N4BP2: variants seen among roughly 807,000 people sequenced by gnomAD.
The protein encoded by N4BP2 is NEDD4-binding protein 2.
N4BP2 carries 91 observed loss-of-function variants against 152.8 expected under a neutral mutation model. The ratio of observed to expected loss-of-function variants is 0.60; its 90% CI spans 0.50 to 0.71. The LOEUF (loss-of-function observed/expected upper bound fraction) is 0.71. N4BP2 is among the 30% of genes least tolerant of loss of function. The probability of loss-of-function intolerance (pLI) is 0.00; values close to 1 mark genes in which losing one functional copy is unlikely to be tolerated. For synonymous variants in N4BP2, 646 were observed against 705.3 expected, an observed-to-expected ratio of 0.92 and a Z score of 1.33; for missense variants, 1,923 against 2,059.1, an observed-to-expected ratio of 0.93 and a Z score of 1.28.
chr4:40,148,270 G>A lies in N4BP2; in HGVS notation c.5143+3470G>A, dbSNP rs1014644670. Reference sequence around the variant, plus strand: ...TGGAGAGCAGCCTGGCCAATACAGCGAAACCCTGTCTCCACCAAAAAAATA... The same window carrying A: ...TGGAGAGCAGCCTGGCCAATACAGCAAAACCCTGTCTCCACCAAAAAAATA... On this transcript the variant is annotated intron_variant, in intron 16 of 17. Transcript: ENST00000261435. Among the ~76,000 whole-genome samples, 7 of 152,368 alleles carry A rather than the reference G, an allele frequency of 4.6e-5. No individual in the cohort carries two copies. In the South Asian group the frequency reaches 8.3e-4, roughly 18 times the overall value.
In N4BP2 at chr4:40,123,147, T is replaced by A. The variant is rs776979917; in HGVS notation, c.4219T>A (p.Cys1407Ser). ...ACAAGGGTCTCTAACAGTTGAAGAT[T>A]GTGTGGTTCATATAGATCTGAATCT... ...IDSGSLTVED[C>S]VVHIDLNLAK... Residue 1407 changes from cysteine to serine, a missense_variant, in exon 10 of 18, where the codon TGT (cysteine) becomes AGT (serine). Cys to Ser is a moderately radical substitution (Grantham distance 112). Transcript: ENST00000261435. The A allele has an allele frequency of 2.5e-6, 4 of 1,610,570 alleles. No homozygotes were observed. The highest frequency in any genetic ancestry group is 1.3e-5 in the African/African-American group (1 of 74,836).
chr4:40,141,665 C>T (rs1439583706), intron 14 of N4BP2, among the ~76,000 whole-genome samples: 1 of 152,046 alleles, frequency 6.6e-6, no homozygotes, highest in African/African-American at 2.4e-5. Flanking sequence ...CAGAGACGCT[C>T]CTCACTTCCC....
chr4:40,162,252 A>T (rs184486511), downstream of N4BP2, among the ~76,000 whole-genome samples: 1 of 152,280 alleles, frequency 6.6e-6, no homozygotes, highest in Admixed American at 6.5e-5. Flanking sequence ...CTGTAATCCC[A>T]ACACTTCTGG....
At chr4:40,077,141 A>ATG (rs200840604) in intron 2 of N4BP2, among the ~76,000 whole-genome samples, 3,617 of 150,072 alleles carry the variant, frequency 0.024, 131 homozygotes, top group African/African-American at 0.079. Flanking sequence ...TGTAGAATAT[A>ATG]TATGTGTGTG....
Position 40,122,059 on chromosome 4 carries a change from T to A in N4BP2, c.3948T>A (p.Asn1316Lys), listed in dbSNP as rs763806044. Residue 1316 changes from asparagine (N) to lysine (K), a missense_variant, in exon 9 of 18, where the codon AAT becomes AAA. Physicochemically the swap from Asn to Lys is moderately conservative, Grantham distance 94. Transcript: ENST00000261435. ...CTCTTGAAATAAAGAGAAATGAAAATTTTCCAAAGGATTATGTGAAATTTT... is the reference window on the plus strand; with the variant it reads ...CTCTTGAAATAAAGAGAAATGAAAAATTTCCAAAGGATTATGTGAAATTTT... ...TDSLEIKRNE[N>K]FPKDYVKFSD... 1.7e-5 allele frequency: 26 copies of A among 1,549,192 alleles called. No individual in the cohort carries two copies. The Admixed American group carries it at 2.5e-4, about 15-fold the overall frequency.
At chr4:40,079,152 C>T (rs1431085869) in intron 2 of N4BP2, among the ~76,000 whole-genome samples, 2 of 151,150 alleles carry the variant, frequency 1.3e-5, no homozygotes, top group Admixed American at 1.3e-4. Flanking sequence ...GAACTCCTGA[C>T]CTCAAGTGAT....
chr4:40,133,251 A>G (rs1418197988), intron 13 of N4BP2, among the ~76,000 whole-genome samples: 4 of 151,896 alleles, frequency 2.6e-5, no homozygotes, highest in Non-Finnish European at 2.9e-5. Flanking sequence ...ATTTTTCTCT[A>G]TATGTTTTGA....
chr4:40,163,499 A>G, the N4BP2 span, among the ~76,000 whole-genome samples: 1 of 152,352 alleles, frequency 6.6e-6, no homozygotes, highest in Non-Finnish European at 1.5e-5. Context: ...GATCATACCA[A>G]CAAGAATTCT....
At chr4:40,185,162 T>A in the N4BP2 span, among the ~76,000 whole-genome samples, 45 of 152,286 alleles carry the variant, frequency 3.0e-4, no homozygotes, top group Non-Finnish European at 4.4e-4. Flanking sequence ...AAAAGTAATT[T>A]GTCTTCTGTA....
chr4:40,165,818 C>A, the N4BP2 span, among the ~76,000 whole-genome samples: 4 of 152,168 alleles, frequency 2.6e-5, no homozygotes, highest in Non-Finnish European at 5.9e-5. Context: ...TTATATAGCA[C>A]AAGTTGAAAT....
rs1226118008 is a variant in N4BP2 at position 40,139,491 on chromosome 4, C to CTT, written c.4785+2426_4785+2427dup. Among the ~76,000 whole-genome samples the CTT allele has an allele frequency of 2.7e-3, 335 of 125,752 alleles. 3 individuals carry two copies. The highest frequency in any genetic ancestry group is 4.9e-3 in the African/African-American group (167 of 33,746). 82.5% of individuals were successfully genotyped at this position (125,752 alleles called of 152,430 possible). A position where few individuals can be genotyped will look rare whatever the true frequency, so the allele number is the denominator to read the frequency against. ...GTATTAATTTTGTATCAGCATTAGG[C>CTT]TTTTTTTTTTTTTTTTTTGAGACAG... is the stretch of plus-strand genomic sequence containing the variant. On this transcript the variant is annotated intron_variant, in intron 14 of 17. Transcript: ENST00000261435.
Position 40,124,216 on chromosome 4 carries a change from T to C in N4BP2, c.4330+11T>C, listed in dbSNP as rs762174139. 12 of 1,592,996 alleles carry C rather than the reference T, an allele frequency of 7.5e-6. No homozygotes were observed. The Admixed American group carries it at 1.7e-4, about 22-fold the overall frequency. ...GCAAGTTTATGCAAGGTAAAGCACA[T>C]GTTTTTATTTCTAATGTCTTAATGT... On this transcript the variant is annotated intron_variant, in intron 11 of 17. Coordinates refer to ENST00000261435, the MANE Select transcript of N4BP2 (RefSeq NM_018177.6).
At chr4:40,174,309 G>T in the N4BP2 span, among the ~76,000 whole-genome samples, 1 of 152,016 alleles carries the variant, frequency 6.6e-6, no homozygotes, top group African/African-American at 2.4e-5. Context: ...CCTAGGAGAT[G>T]GAGGCTGCAG....
chr4:40,083,238 A>T (rs1713581664), intron 2 of N4BP2: 1 of 152,658 alleles, frequency 6.6e-6, no homozygotes, highest in South Asian at 2.1e-4. Context: ...TGCTGGTGGA[A>T]GCTGAAATTG....
intron 1 of N4BP2, among the ~76,000 whole-genome samples, chr4:40,071,096 G>A (rs566713353): frequency 6.6e-6 from 1 of 152,104 alleles, no homozygotes; most frequent in South Asian, 2.1e-4. Flanking sequence ...CATTTGGGTT[G>A]TAATCTTGAG....
At chr4:40,062,008 CTTTA>C (rs1733693087) in intron 1 of N4BP2, among the ~76,000 whole-genome samples, 2 of 150,402 alleles carry the variant, frequency 1.3e-5, no homozygotes, top group African/African-American at 4.9e-5. Context: ...TAATTTGCTG[CTTTA>C]TTTATTTTTT....
At chr4:40,189,148 CACAAA>C in the N4BP2 span, among the ~76,000 whole-genome samples, 2,899 of 149,202 alleles carry the variant, frequency 0.019, 60 homozygotes, top group African/African-American at 0.051. The surrounding 1 kb of genome is among the most constrained non-coding windows in gnomAD (Gnocchi z 4.3). Context: ...CTGTCTCAAA[CACAAA>C]ACAAAACAAA....
At chr4:40,101,217 C>T (rs964194370) in intron 3 of N4BP2, among the ~76,000 whole-genome samples, 40 of 152,090 alleles carry the variant, frequency 2.6e-4, no homozygotes, top group African/African-American at 9.7e-4. Context: ...AGTGCAGTGG[C>T]GCGATCTCTG....
Position 40,142,662 on chromosome 4 carries a change from A to C in N4BP2, c.4786-11A>C. 1.3e-6 allele frequency: 2 copies of C among 1,585,138 alleles called. No homozygotes were observed. The highest frequency in any genetic ancestry group is 2.3e-5 in the South Asian group (2 of 86,906). On this transcript the variant is annotated splice_polypyrimidine_tract_variant and intron_variant, in intron 14 of 17. Coordinates refer to ENST00000261435, the MANE Select transcript of N4BP2 (RefSeq NM_018177.6). ...TTCTGTGTGTGTTACTTATTGTTTA[A>C]TATCTTATAGCCAAAGAAATTAAAA...
Sources: allele counts gnomAD v4.1 joint callset (sites outside exome capture counted in the v4.1 genomes callset), GRCh38; gene constraint gnomAD v4.1.1; non-coding constraint Gnocchi (gnomAD v3.1); transcripts MANE v1.5; gene names NCBI Gene and HGNC (gene_info 2026-07-23, HGNC 2026-07-21).